ADAMTS18: variants seen among roughly 807,000 people sequenced by gnomAD.
ADAMTS18 encodes ADAM metallopeptidase with thrombospondin type 1 motif 18, also known as A disintegrin and metalloproteinase with thrombospondin motifs 18.
A neutral mutation model predicts 165.9 loss-of-function variants in ADAMTS18; 157 were observed. That is an observed-to-expected ratio of 0.95 (90% confidence interval 0.83 to 1.08). ADAMTS18 has a LOEUF of 1.08. Among genes scored for constraint, ADAMTS18 ranks in the 50% least tolerant of loss-of-function variants. The probability of loss-of-function intolerance (pLI) is 0.00; values close to 1 mark genes in which losing one functional copy is unlikely to be tolerated. For synonymous variants in ADAMTS18, 782 were observed against 578.2 expected (o/e 1.35, Z -5.06); for missense variants, 2,040 against 1,534.0 (o/e 1.33, Z -5.51).
chr16:77,389,534 T>C (rs142420459), intron 3 of ADAMTS18, among the ~76,000 whole-genome samples: 1 of 152,192 alleles, frequency 6.6e-6, no homozygotes, highest in Non-Finnish European at 1.5e-5. Context: ...TGCGAATAAG[T>C]AATGGAGCAG....
At chr16:77,390,689 C>CAA (rs149079892) in intron 3 of ADAMTS18, among the ~76,000 whole-genome samples, 9 of 142,516 alleles carry the variant, frequency 6.3e-5, no homozygotes, top group South Asian at 2.2e-4. Flanking sequence ...GACTCCATCT[C>CAA]AAAAAAAAAG....
chr16:77,381,371 G>A (rs895927716), intron 3 of ADAMTS18, among the ~76,000 whole-genome samples: 5 of 152,164 alleles, frequency 3.3e-5, no homozygotes, highest in African/African-American at 4.8e-5. Context: ...GTTTTGGGCT[G>A]GCATAATGGC....
chr16:77,298,995 TC>T (rs1233673937), intron 17 of ADAMTS18, among the ~76,000 whole-genome samples: 13 of 152,236 alleles, frequency 8.5e-5, no homozygotes, highest in Non-Finnish European at 1.6e-4. Flanking sequence ...GGATTTAGAT[TC>T]TGTAAGTGGA....
Position 77,291,486 on chromosome 16 carries a change from C to T in ADAMTS18, c.3190-8G>A, listed in dbSNP as rs1567455873. On this transcript the variant is annotated splice_polypyrimidine_tract_variant and splice_region_variant and intron_variant, in intron 20 of 22. Coordinates refer to ENST00000282849, the MANE Select transcript of ADAMTS18 (RefSeq NM_199355.4). Reference sequence around the variant, plus strand: ...ACCACAGGTTGCAGAACACTAGGAGCCAAGACAGGATGTGTAAAAGTGAAG... The same window carrying T: ...ACCACAGGTTGCAGAACACTAGGAGTCAAGACAGGATGTGTAAAAGTGAAG... The T allele has an allele frequency of 6.2e-7, 1 of 1,613,858 alleles. No individual in the cohort carries two copies. The highest frequency in any genetic ancestry group is 8.5e-7 in the Non-Finnish European group (1 of 1,179,790).
intron 22 of ADAMTS18, among the ~76,000 whole-genome samples, chr16:77,285,506 T>C (rs2055232461): frequency 6.6e-6 from 1 of 151,062 alleles, no homozygotes; most frequent in African/African-American, 2.5e-5. Flanking sequence ...GTTTTGACTT[T>C]AAAAATATTT....
chr16:77,290,460 G>A, intron 21 of ADAMTS18: 1 of 152,222 alleles, frequency 6.6e-6, no homozygotes, highest in Non-Finnish European at 1.5e-5. Flanking sequence ...AGCAATATGT[G>A]TAACACCTAG....
chr16:77,433,520 C>G (rs1257085858), intron 2 of ADAMTS18: 3 of 152,192 alleles, frequency 2.0e-5, no homozygotes, highest in Non-Finnish European at 4.4e-5. Context: ...GACGTGGCCT[C>G]CAGCCATCTG....
intron 22 of ADAMTS18, among the ~76,000 whole-genome samples, chr16:77,285,326 C>T (rs894864340): frequency 2.6e-5 from 4 of 152,262 alleles, no homozygotes; most frequent in South Asian, 2.1e-4. Context: ...GCACCCACCA[C>T]CACGCCCAGT....
At position 77,297,326 on chromosome 16, in the gene ADAMTS18, C is replaced by T. The variant is rs772383966; in HGVS notation, c.2764G>A (p.Glu922Lys). The T allele has an allele frequency of 1.9e-6, 3 of 1,614,002 alleles. No individual in the cohort carries two copies. Among genetic ancestry groups the T allele is most frequent in the African/African-American group, 2.7e-5 (2 of 74,916 alleles). Residue 922 changes from glutamate (E) to lysine (K), a missense_variant, in exon 18 of 23, where the codon GAG becomes AAG. Glu to Lys is a moderately conservative substitution (Grantham distance 56). Coordinates refer to ENST00000282849, the MANE Select transcript of ADAMTS18 (RefSeq NM_199355.4). ...FCSAKTKPVT[E>K]PKICNAFSCP... ...GAGAAAGCGTTGCAGATTTTGGGCT[C>T]AGTTACTGGCTTGGTTTTTGCACTG...
At chr16:77,395,015 C>T (rs978793289) in intron 3 of ADAMTS18, among the ~76,000 whole-genome samples, 6 of 152,160 alleles carry the variant, frequency 3.9e-5, no homozygotes, top group Non-Finnish European at 7.3e-5. Flanking sequence ...CTGCATTTGC[C>T]TGTGGCTAGT....
At chr16:77,417,679 G>C (rs1446246979) in intron 3 of ADAMTS18, among the ~76,000 whole-genome samples, 2 of 152,202 alleles carry the variant, frequency 1.3e-5, no homozygotes, top group African/African-American at 2.4e-5. Flanking sequence ...ATGTATACAT[G>C]TGCCATGCTG....
rs199603405 is a variant in ADAMTS18, at chr16:77,384,912, T to TTG, written c.496-17190_496-17189insCA. Reference sequence around the variant, plus strand: ...CATAACAAATCAGTTCAGATAAGGTTTTTTTTTTTTTTTCTGAGACAGAGT... The same window carrying TTG: ...CATAACAAATCAGTTCAGATAAGGTTTGTTTTTTTTTTTTTCTGAGACAGAGT... On this transcript the variant is annotated intron_variant, in intron 3 of 22. Transcript: ENST00000282849. 2.0e-3 allele frequency among the ~76,000 whole-genome samples: 261 copies of TTG among 128,524 alleles called. 1 individual carries two copies. Among genetic ancestry groups the TTG allele is most frequent in the Admixed American group, 4.1e-3 (55 of 13,370 alleles). 84.3% of individuals were successfully genotyped at this position (128,524 alleles called of 152,430 possible).
At chr16:77,381,838 C>G (rs1441976255) in intron 3 of ADAMTS18, among the ~76,000 whole-genome samples, 1 of 152,040 alleles carries the variant, frequency 6.6e-6, no homozygotes, top group African/African-American at 2.4e-5. Context: ...TCAGAGTCCT[C>G]TCAATTTTCA....
intron 22 of ADAMTS18, among the ~76,000 whole-genome samples, chr16:77,287,344 C>A (rs2055273840): frequency 6.6e-6 from 1 of 152,150 alleles, no homozygotes; most frequent in Non-Finnish European, 1.5e-5. Context: ...ATGTAATCAT[C>A]CCTATACTTG....
chr16:77,322,274 TAC>T, intron 14 of ADAMTS18, 60 bp downstream of exon 14: 1 of 1,589,548 alleles, frequency 6.3e-7, no homozygotes, highest in Non-Finnish European at 8.6e-7. Flanking sequence ...CTGTTCACGG[TAC>T]ACACGATATG....
At chr16:77,406,195 G>A (rs1597235132) in intron 3 of ADAMTS18, among the ~76,000 whole-genome samples, 1 of 152,060 alleles carries the variant, frequency 6.6e-6, no homozygotes, top group African/African-American at 2.4e-5. Context: ...ATACCAGAAA[G>A]CCAAAGCTGG....
In ADAMTS18 at chr16:77,319,860, G is replaced by C; in HGVS notation, c.2521C>G (p.Leu841Val). The C allele has an allele frequency of 1.9e-6, 3 of 1,614,190 alleles. No individual in the cohort carries two copies. Among genetic ancestry groups the C allele is most frequent in the Middle Eastern group, 1.7e-4 (1 of 6,060 alleles). Residue 841 changes from leucine to valine, a missense_variant, in exon 16 of 23, where the codon CTG becomes GTG. Physicochemically the swap from Leu to Val is conservative, Grantham distance 32 (BLOSUM62 1). Transcript: ENST00000282849. ...CAGAAGGGGCTTACTTCAAAGACCA[G>C]CGTCTCATTTGTGGGCCCTGGCGCG... ...LYAPGPTNET[L>V]VFEILMQGKN...
intron 3 of ADAMTS18, among the ~76,000 whole-genome samples, chr16:77,373,794 A>G (rs1357825235): frequency 1.3e-5 from 2 of 152,176 alleles, no homozygotes; most frequent in African/African-American, 4.8e-5. Flanking sequence ...CTTTATGTCT[A>G]TCTTCAATAA....
In ADAMTS18 at chr16:77,356,071, A is replaced by C; in HGVS notation, c.1329T>G (p.Gly443=). 1.2e-6 allele frequency: 2 copies of C among 1,614,116 alleles called. No individual in the cohort carries two copies. The highest frequency in any genetic ancestry group is 1.7e-6 in the Non-Finnish European group (2 of 1,179,956). ...TIAHESGHNF[G]MIHDGEGNPC... ...GATTCCCTTCTCCATCGTGAATCAT[A>C]CCAAAGCTGAAACAGAATGAAGAAA... The change falls in exon 9 of 23, where the codon GGT becomes GGG. Residue 443 remains glycine, a synonymous_variant. Transcript: ENST00000282849.
Sources: gnomAD v4.1 joint callset for allele counts (sites outside exome capture counted in the v4.1 genomes callset) on GRCh38, gnomAD v4.1.1 for gene constraint, MANE v1.5 for transcripts, NCBI Gene and HGNC (gene_info 2026-07-23, HGNC 2026-07-21) for gene names.